Variants in CPNE8 observed in about 807,000 individuals in gnomAD.
CPNE8 encodes the protein copine-8.
A neutral mutation model predicts 81.5 loss-of-function variants in CPNE8; 45 were observed. That is an observed-to-expected ratio of 0.55 (90% CI 0.44 to 0.71). CPNE8 has a LOEUF of 0.71. Among genes scored for constraint, CPNE8 ranks in the 30% least tolerant of loss-of-function variants. The pLI, the probability that CPNE8 is intolerant of heterozygous loss-of-function variation, is 0.00. For synonymous variants in CPNE8, 252 were observed against 226.3 expected, an observed-to-expected ratio of 1.11 and a Z score of -1.02; for missense variants, 594 against 672.1, an observed-to-expected ratio of 0.88 and a Z score of 1.28.
At position 38,662,513 on chromosome 12, in the gene CPNE8, T is replaced by C. The variant is rs568519653; in HGVS notation, c.1506+8216A>G. Among the ~76,000 whole-genome samples, 17 of 152,148 alleles carry C rather than the reference T, an allele frequency of 1.1e-4. 1 individual carries two copies. Among genetic ancestry groups the C allele is most frequent in the African/African-American group, 3.9e-4 (16 of 41,530 alleles). On this transcript the variant is annotated intron_variant, in intron 19 of 19. Coordinates refer to ENST00000331366, the MANE Select transcript of CPNE8 (RefSeq NM_153634.3). Reference sequence around the variant, plus strand: ...ATTTAAGAAGACACAAAAATAAAAATCTCATGTTCATGGATTGGAATAATT... The same window carrying C: ...ATTTAAGAAGACACAAAAATAAAAACCTCATGTTCATGGATTGGAATAATT...
At chr12:38,798,051 A>G (rs1942545074) in intron 6 of CPNE8, among the ~76,000 whole-genome samples, 1 of 152,200 alleles carries the variant, frequency 6.6e-6, no homozygotes, top group Non-Finnish European at 1.5e-5. Context: ...GGACTATGTG[A>G]AAAGACCAAA....
At chr12:38,840,284 G>T (rs1943446923) in intron 4 of CPNE8, among the ~76,000 whole-genome samples, 1 of 152,058 alleles carries the variant, frequency 6.6e-6, no homozygotes, top group South Asian at 2.1e-4. Context: ...TAGTATCCCA[G>T]TACTGTGCAA....
chr12:38,670,629 C>T, intron 19 of CPNE8, 100 bp downstream of exon 19: 1 of 708,852 alleles, frequency 1.4e-6, no homozygotes, highest in South Asian at 2.0e-5. Flanking sequence ...AATAGAAAAG[C>T]ATCATTAAAA....
At chr12:38,823,232 C>G (rs1943134293) in intron 6 of CPNE8, among the ~76,000 whole-genome samples, 1 of 152,278 alleles carries the variant, frequency 6.6e-6, no homozygotes, top group African/African-American at 2.4e-5. Flanking sequence ...TCTGAAGCTT[C>G]CTTTCTGCTC....
chr12:38,799,876 G>T (rs556872515), intron 6 of CPNE8, among the ~76,000 whole-genome samples: 4 of 151,688 alleles, frequency 2.6e-5, no homozygotes, highest in African/African-American at 9.7e-5. Context: ...TTCCCTTTCC[G>T]AGTCAAAGAA....
At chr12:38,878,948 C>T (rs1248572235) in intron 1 of CPNE8, among the ~76,000 whole-genome samples, 1 of 152,056 alleles carries the variant, frequency 6.6e-6, no homozygotes, top group Non-Finnish European at 1.5e-5. Context: ...GGAGAAAGAA[C>T]AGTAATCTAA....
rs576111197 is a variant in CPNE8 at position 38,652,778 on chromosome 12, T to A, written c.*1104A>T. The stretch of plus-strand genomic sequence containing the variant: ...TACATGCAAAAACCCTTTACAATTA[T>A]TCGTGGACAGGCAGGTCAGTATATA... On this transcript the variant is annotated 3_prime_UTR_variant, in exon 20 of 20. Coordinates refer to ENST00000331366, the MANE Select transcript of CPNE8 (RefSeq NM_153634.3). 29 of 152,730 alleles carry A rather than the reference T, an allele frequency of 1.9e-4. 2 individuals are homozygous for A. In the South Asian group the frequency reaches 6.0e-3, roughly 32 times the overall value. The allele number at this position is 152,730 out of a possible 1,614,324, so 9.5% of individuals were successfully genotyped here. A position where few individuals can be genotyped will look rare whatever the true frequency, so the allele number is the denominator to read the frequency against.
At chr12:38,728,845 G>A (rs374319070) in intron 11 of CPNE8, among the ~76,000 whole-genome samples, 2 of 152,206 alleles carry the variant, frequency 1.3e-5, no homozygotes, top group South Asian at 2.1e-4. Context: ...AATTCATAAT[G>A]GTCTCCTAGA....
chr12:38,702,998 T>A, intron 13 of CPNE8, 77 bp from the exon 14 acceptor site: 1 of 992,114 alleles, frequency 1.0e-6, no homozygotes, highest in Non-Finnish European at 1.5e-6. Flanking sequence ...TTCGGTTATA[T>A]TTTTTAATGT....
chr12:38,829,385 G>T lies in CPNE8; in HGVS notation c.401C>A (p.Pro134Gln). 2 of 1,605,312 alleles carry T rather than the reference G, an allele frequency of 1.2e-6. No homozygotes were observed. Among genetic ancestry groups the T allele is most frequent in the Non-Finnish European group, 1.7e-6 (2 of 1,172,160 alleles). ...TGAATTAAAAAATACTTACACTATT[G>T]GTTTTTCCAGGCGACTTCCCTGTGA... ...VGSQGSRLEK[P>Q]IVGIPGKKCG... Residue 134 changes from proline (P) to glutamine (Q), a missense_variant, in exon 6 of 20, where the codon CCA (proline) becomes CAA (glutamine). Coordinates refer to ENST00000331366, the MANE Select transcript of CPNE8 (RefSeq NM_153634.3).
intron 2 of CPNE8, among the ~76,000 whole-genome samples, chr12:38,873,260 C>A (rs1021276756): frequency 1.3e-5 from 2 of 151,784 alleles, no homozygotes; most frequent in Non-Finnish European, 2.9e-5. Context: ...TATGCCAGAT[C>A]TTTAGAACTT....
chr12:38,697,891 C>T (rs1040565813), intron 14 of CPNE8, among the ~76,000 whole-genome samples: 8 of 152,164 alleles, frequency 5.3e-5, no homozygotes, highest in African/African-American at 1.9e-4. Flanking sequence ...CTGGGCCTCA[C>T]CAGAAGCCAA....
chr12:38,798,686 T>A (rs1942569620), intron 6 of CPNE8, among the ~76,000 whole-genome samples: 1 of 151,170 alleles, frequency 6.6e-6, no homozygotes, highest in Non-Finnish European at 1.5e-5. Flanking sequence ...AGGATCAAAT[T>A]CACACATAAC....
chr12:38,898,829 T>G (rs933761387), intron 1 of CPNE8, among the ~76,000 whole-genome samples: 1 of 152,194 alleles, frequency 6.6e-6, no homozygotes, highest in Admixed American at 6.5e-5. Context: ...GGAATCTAAC[T>G]TTGCTTTCGC....
At chr12:38,822,154 C>T (rs1026846865) in intron 6 of CPNE8, among the ~76,000 whole-genome samples, 2 of 152,034 alleles carry the variant, frequency 1.3e-5, no homozygotes, top group Non-Finnish European at 2.9e-5. Flanking sequence ...ATATTTTATT[C>T]TTAATTGACA....
intron 6 of CPNE8, among the ~76,000 whole-genome samples, chr12:38,799,459 G>A (rs1175525311): frequency 6.6e-6 from 1 of 152,160 alleles, no homozygotes. Context: ...GGGTACATAA[G>A]GAAATGAAGG....
At chr12:38,696,891 C>A (rs1388861277) in intron 14 of CPNE8, among the ~76,000 whole-genome samples, 1 of 151,964 alleles carries the variant, frequency 6.6e-6, no homozygotes, top group Non-Finnish European at 1.5e-5. Flanking sequence ...ACAAAAAACA[C>A]ACAAATTAGC....
chr12:38,694,282 G>A (rs1005431117), intron 14 of CPNE8, among the ~76,000 whole-genome samples: 6 of 152,068 alleles, frequency 3.9e-5, no homozygotes, highest in African/African-American at 1.4e-4. Context: ...CTGAATATTT[G>A]AGAAGTATCC....
At chr12:38,791,806 C>T (rs776421162) in intron 6 of CPNE8, among the ~76,000 whole-genome samples, 16 of 151,508 alleles carry the variant, frequency 1.1e-4, no homozygotes, top group Non-Finnish European at 2.2e-4. Context: ...GAACATGAAA[C>T]TATCTCCAGG....
Sources: gnomAD v4.1 joint callset for allele counts (sites outside exome capture counted in the v4.1 genomes callset) on GRCh38, gnomAD v4.1.1 for gene constraint, MANE v1.5 for transcripts, NCBI Gene and HGNC (gene_info 2026-07-23, HGNC 2026-07-21) for gene names.